GPC5: variants seen among roughly 807,000 people sequenced by gnomAD.
GPC5 encodes the protein glypican 5, also known as glypican-5.
In GPC5, 47 loss-of-function variants were observed where a neutral mutation model predicts 53.9. That is an observed-to-expected ratio of 0.87 (90% CI 0.69 to 1.11). GPC5 has a LOEUF of 1.11. Ranked by LOEUF, GPC5 falls within the 50% of genes most tolerant of loss-of-function variation. The pLI, the probability that GPC5 is intolerant of heterozygous loss-of-function variation, is 0.00. For synonymous variants in GPC5, 286 were observed against 263.3 expected, an observed-to-expected ratio of 1.09 and a Z score of -0.84; for missense variants, 748 against 713.1, an observed-to-expected ratio of 1.05 and a Z score of -0.56.
chr13:91,537,285 T>C (rs1225203917), intron 2 of GPC5, among the ~76,000 whole-genome samples: 20 of 151,882 alleles, frequency 1.3e-4, no homozygotes, highest in Non-Finnish European at 2.8e-4. Context: ...CTGATAAAAC[T>C]TTTAGATAGA....
chr13:92,125,007 AG>A (rs1358283604), intron 6 of GPC5, among the ~76,000 whole-genome samples: 1 of 152,188 alleles, frequency 6.6e-6, no homozygotes, highest in Non-Finnish European at 1.5e-5. Context: ...TTAGGTAACA[AG>A]GAACTATGTC....
intron 2 of GPC5, among the ~76,000 whole-genome samples, chr13:91,649,934 T>C (rs1311428419): frequency 6.6e-6 from 1 of 152,168 alleles, no homozygotes; most frequent in Non-Finnish European, 1.5e-5. Context: ...AAAAATTTAT[T>C]TTGAAATAAT....
intron 6 of GPC5, among the ~76,000 whole-genome samples, chr13:92,109,414 C>G (rs2041538562): frequency 6.6e-6 from 1 of 152,140 alleles, no homozygotes; most frequent in Non-Finnish European, 1.5e-5. Context: ...CACTGTCTCA[C>G]TGAAACTGTT....
intron 5 of GPC5, among the ~76,000 whole-genome samples, chr13:91,781,769 C>A (rs2037802401): frequency 6.6e-6 from 1 of 152,160 alleles, no homozygotes; most frequent in Non-Finnish European, 1.5e-5. Context: ...TTAATTCTAC[C>A]TATTTCCAAA....
intron 6 of GPC5, among the ~76,000 whole-genome samples, chr13:92,058,641 C>A (rs993352731): frequency 6.6e-6 from 1 of 152,128 alleles, no homozygotes; most frequent in Non-Finnish European, 1.5e-5. Context: ...CTCCTCGGTT[C>A]AAGCAATTCT....
intron 5 of GPC5, among the ~76,000 whole-genome samples, chr13:91,801,504 C>T (rs559107173): frequency 6.6e-6 from 1 of 152,132 alleles, no homozygotes; most frequent in East Asian, 1.9e-4. Context: ...CTGGCTGTGT[C>T]AAAGAAATAC....
rs987065342 is a variant in GPC5 at position 92,607,185 on chromosome 13, A to G, written c.1562-259097A>G. On this transcript the variant is annotated intron_variant, in intron 7 of 7. Coordinates refer to ENST00000377067, the MANE Select transcript of GPC5 (RefSeq NM_004466.6). ...ATCTAATAAGATTTGGTAAAAAGAG[A>G]AATTGGGCAACTTTTTTGTCCTTTG... 7.2e-5 allele frequency among the ~76,000 whole-genome samples: 11 copies of G among 152,244 alleles called. No homozygotes were observed. The East Asian group carries it at 2.1e-3, about 29-fold the overall frequency.
chr13:91,650,793 A>G (rs1439270216), intron 2 of GPC5, among the ~76,000 whole-genome samples: 1 of 118,546 alleles, frequency 8.4e-6, no homozygotes, highest in Non-Finnish European at 1.8e-5. Context: ...GCTAAAAACC[A>G]TTTGTTCTCA....
intron 7 of GPC5, among the ~76,000 whole-genome samples, chr13:92,562,871 TG>T (rs1566295207): frequency 6.6e-6 from 1 of 152,026 alleles, no homozygotes; most frequent in Non-Finnish European, 1.5e-5. Flanking sequence ...TTGCTTTTTT[TG>T]TGTGAAAACA....
Position 91,927,774 on chromosome 13 carries a change from A to G in GPC5, c.1401+19717A>G, listed in dbSNP as rs149967149. Among the ~76,000 whole-genome samples, 50 of 152,302 alleles carry G rather than the reference A, an allele frequency of 3.3e-4. 1 individual carries two copies. The East Asian group carries it at 8.5e-3, about 26-fold the overall frequency. On this transcript the variant is annotated intron_variant, in intron 6 of 7. Transcript: ENST00000377067. ...CTATTAAAACTAATGGTGTAGCTAC[A>G]TGGTATAGATAGGCATTGCAGACAT...
intron 7 of GPC5, among the ~76,000 whole-genome samples, chr13:92,244,633 T>C (rs2042637198): frequency 6.6e-6 from 1 of 152,204 alleles, no homozygotes; most frequent in African/African-American, 2.4e-5. Context: ...GTTTTTTTAA[T>C]TTTTGTACTC....
intron 2 of GPC5, among the ~76,000 whole-genome samples, chr13:91,674,499 ATATGTGTATATATACACATATATGCG>A (rs2035327635): frequency 1.3e-5 from 2 of 149,502 alleles, no homozygotes; most frequent in South Asian, 2.1e-4. Context: ...GTATATATGC[ATATGTGTATATATACACATATATGCG>A]TATGTGTATA....
intron 5 of GPC5, among the ~76,000 whole-genome samples, chr13:91,889,181 C>T (rs529269938): frequency 8.5e-5 from 13 of 152,232 alleles, no homozygotes; most frequent in African/African-American, 3.1e-4. Context: ...CCTGGCCCCT[C>T]AAATAGTAAG....
intron 5 of GPC5, among the ~76,000 whole-genome samples, chr13:91,769,437 C>T (rs73609148): frequency 0.025 from 3,849 of 152,250 alleles, 159 homozygotes; most frequent in African/African-American, 0.087. Context: ...GATGGCAAGC[C>T]TGTGCTCTCA....
At chr13:92,569,648 A>T (rs1454790808) in intron 7 of GPC5, among the ~76,000 whole-genome samples, 1 of 152,146 alleles carries the variant, frequency 6.6e-6, no homozygotes, top group Non-Finnish European at 1.5e-5. Context: ...GGACAGAGAC[A>T]TTACCTTCTC....
intron 6 of GPC5, among the ~76,000 whole-genome samples, chr13:92,008,572 A>G (rs1159098716): frequency 6.6e-6 from 1 of 152,038 alleles, no homozygotes; most frequent in Non-Finnish European, 1.5e-5. Flanking sequence ...ATTTTGGAAT[A>G]AAGTTTAGCT....
At chr13:92,806,647 T>C (rs1205180114) in intron 7 of GPC5, among the ~76,000 whole-genome samples, 4 of 152,000 alleles carry the variant, frequency 2.6e-5, no homozygotes, top group Non-Finnish European at 4.4e-5. Flanking sequence ...TTCAGTATTG[T>C]TGTGTCTCAG....
chr13:92,373,777 TC>T (rs2043670361), intron 7 of GPC5, among the ~76,000 whole-genome samples: 2 of 152,188 alleles, frequency 1.3e-5, no homozygotes, highest in Non-Finnish European at 2.9e-5. Context: ...CGTAATCAGC[TC>T]CAGCTAGTTT....
At chr13:92,430,865 G>C (rs557369043) in intron 7 of GPC5, among the ~76,000 whole-genome samples, 26 of 152,054 alleles carry the variant, frequency 1.7e-4, no homozygotes, top group African/African-American at 5.8e-4. Context: ...ATAAACAAAT[G>C]TAAAGCTTTA....
Sources: allele counts gnomAD v4.1 joint callset (sites outside exome capture counted in the v4.1 genomes callset), GRCh38; gene constraint gnomAD v4.1.1; transcripts MANE v1.5; gene names NCBI Gene and HGNC (gene_info 2026-07-23, HGNC 2026-07-21).